The following CDC14A variants were observed in gnomAD, a reference collection of about 807,000 sequenced individuals.
CDC14A encodes dual specificity protein phosphatase CDC14A.
Under a neutral mutation model 74.4 loss-of-function variants are expected in CDC14A, and 53 were observed. The observed-to-expected ratio is 0.71, with a 90% confidence interval of 0.57 to 0.89. The LOEUF (loss-of-function observed/expected upper bound fraction) is 0.89. Ranked by LOEUF, CDC14A falls within the 40% of genes least tolerant of loss-of-function variation. CDC14A has a pLI of 0.00. For synonymous variants in CDC14A, 247 were observed against 258.4 expected (o/e 0.96, Z 0.43); for missense variants, 646 against 713.7 (o/e 0.91, Z 1.08).
At chr1:100,485,728 GCT>G (rs1291484355) in intron 11 of CDC14A, 1 of 152,208 alleles carries the variant, frequency 6.6e-6, no homozygotes, top group African/African-American at 2.4e-5. Context: ...ACACATCATA[GCT>G]CTCTTAGGTT....
At chr1:100,364,804 G>GT (rs1653340800) in intron 2 of CDC14A, among the ~76,000 whole-genome samples, 2 of 152,188 alleles carry the variant, frequency 1.3e-5, no homozygotes, top group Non-Finnish European at 2.9e-5. Flanking sequence ...CTCTAAGGGA[G>GT]TTTTTATTAA....
At chr1:100,446,025 C>G (rs547847058) in intron 7 of CDC14A, among the ~76,000 whole-genome samples, 13 of 152,156 alleles carry the variant, frequency 8.5e-5, no homozygotes, top group Non-Finnish European at 1.6e-4. Context: ...TGTCAGATTT[C>G]TCTTGCTGTT....
intron 2 of CDC14A, among the ~76,000 whole-genome samples, chr1:100,365,100 C>A (rs1653383365): frequency 6.6e-6 from 1 of 152,214 alleles, no homozygotes; most frequent in Admixed American, 6.5e-5. Flanking sequence ...TCTCTCCTTC[C>A]TTTATGATCT....
intron 7 of CDC14A, among the ~76,000 whole-genome samples, chr1:100,452,668 C>T (rs75938672): frequency 0.013 from 1,918 of 152,278 alleles, 45 homozygotes; most frequent in African/African-American, 0.044. Flanking sequence ...GTATCACTTT[C>T]AGGAATTCAG....
chr1:100,488,368 C>T (rs1189821394), intron 11 of CDC14A, among the ~76,000 whole-genome samples: 1 of 152,178 alleles, frequency 6.6e-6, no homozygotes, highest in African/African-American at 2.4e-5. Flanking sequence ...ATCTTGGGTA[C>T]ATGGTGAGGT....
intron 7 of CDC14A, among the ~76,000 whole-genome samples, chr1:100,451,117 A>G (rs1413034442): frequency 1.3e-5 from 2 of 152,164 alleles, no homozygotes; most frequent in Non-Finnish European, 2.9e-5. Context: ...TTCTGGTTAT[A>G]CACACTTTGT....
At chr1:100,351,973 A>AGT (rs35169146), upstream of CDC14A, among the ~76,000 whole-genome samples, 34,805 of 145,872 alleles carry the variant, frequency 0.24, 4,521 homozygotes, top group Non-Finnish European at 0.31. Flanking sequence ...GGTTTTTACG[A>AGT]GTGTGTGTGT....
At chr1:100,483,253 G>C (rs1669677876) in intron 10 of CDC14A, among the ~76,000 whole-genome samples, 1 of 152,124 alleles carries the variant, frequency 6.6e-6, no homozygotes. Context: ...ACCAGCATCT[G>C]TTATTTTTTA....
At chr1:100,445,465 G>C (rs2101141190) in intron 7 of CDC14A, among the ~76,000 whole-genome samples, 1 of 152,172 alleles carries the variant, frequency 6.6e-6, no homozygotes, top group South Asian at 2.1e-4. Flanking sequence ...GAATGCAAAT[G>C]GCCCATTGTA....
intron 7 of CDC14A, among the ~76,000 whole-genome samples, chr1:100,454,396 G>A (rs940212507): frequency 3.3e-5 from 5 of 152,112 alleles, no homozygotes; most frequent in Non-Finnish European, 7.4e-5. Context: ...GACAGCGTAA[G>A]TGAAGAGGTG....
At chr1:100,491,563 TATATATATA>T (rs1308313095) in intron 11 of CDC14A, among the ~76,000 whole-genome samples, 1 of 86,198 alleles carries the variant, frequency 1.2e-5, no homozygotes, top group African/African-American at 5.1e-5. Flanking sequence ...TATATATATA[TATATATATA>T]TTTTTTTTTT....
intron 3 of CDC14A, among the ~76,000 whole-genome samples, chr1:100,382,290 A>G (rs999640875): frequency 5.0e-5 from 7 of 140,486 alleles, no homozygotes; most frequent in Non-Finnish European, 1.1e-4. Context: ...GTCATAGCTC[A>G]CTGCAGCCTC....
chr1:100,419,801 T>C (rs1662033762), intron 4 of CDC14A, among the ~76,000 whole-genome samples: 1 of 152,054 alleles, frequency 6.6e-6, no homozygotes, highest in Admixed American at 6.6e-5. Context: ...ATCGTGCCAA[T>C]GTTCCAGTGG....
At chr1:100,393,342 T>C in intron 4 of CDC14A, 1 of 985,280 alleles carries the variant, frequency 1.0e-6, no homozygotes, top group Non-Finnish European at 1.6e-6. Context: ...TTTCAGATTC[T>C]CAGTTGTAAC....
intron 2 of CDC14A, among the ~76,000 whole-genome samples, chr1:100,376,281 C>A (rs1290126552): frequency 6.6e-6 from 1 of 151,888 alleles, no homozygotes; most frequent in Non-Finnish European, 1.5e-5. Context: ...TGCACATGTA[C>A]CCTAGAACTT....
chr1:100,467,911 A>G (rs1482755756), intron 9 of CDC14A, 45 bp from the exon 10 acceptor site: 4 of 1,524,258 alleles, frequency 2.6e-6, no homozygotes, highest in Non-Finnish European at 3.5e-6. Flanking sequence ...TTGTGGTAGC[A>G]TTTGCTAGAC....
intron 5 of CDC14A, among the ~76,000 whole-genome samples, chr1:100,428,305 G>A (rs1485900306): frequency 2.2e-4 from 34 of 152,120 alleles, no homozygotes; most frequent in Admixed American, 2.2e-3. Context: ...TGGAGGGTAG[G>A]TGTGTCAAAA....
chr1:100,352,003 T>TGTGCGCGCGC (rs1553167114), upstream of CDC14A, among the ~76,000 whole-genome samples: 15 of 122,850 alleles, frequency 1.2e-4, no homozygotes, highest in East Asian at 7.9e-4. Flanking sequence ...TGTGTGTGTG[T>TGTGCGCGCGC]GCGCGCGCGC....
chr1:100,465,647 G>A (rs1322327098), intron 9 of CDC14A, among the ~76,000 whole-genome samples: 4 of 152,174 alleles, frequency 2.6e-5, no homozygotes, highest in African/African-American at 7.2e-5. Flanking sequence ...ATGCCTCAAC[G>A]TAAAGTATTT....
Sources: allele counts gnomAD v4.1 joint callset (sites outside exome capture counted in the v4.1 genomes callset), GRCh38; gene constraint gnomAD v4.1.1; transcripts MANE v1.5; gene names NCBI Gene and HGNC (gene_info 2026-07-23, HGNC 2026-07-21).